The following TRMT9B variants were observed in gnomAD, a reference collection of about 807,000 sequenced individuals.
The protein encoded by TRMT9B is tRNA methyltransferase 9B (putative).
A neutral mutation model predicts 11.5 loss-of-function variants in TRMT9B; 16 were observed. That is an observed-to-expected ratio of 1.39 (90% CI 0.94 to 2.11). The LOEUF (loss-of-function observed/expected upper bound fraction) is 2.11. Among genes scored for constraint, TRMT9B ranks in the 30% most tolerant of loss-of-function variants. The pLI is 0.00. For synonymous variants in TRMT9B, 274 were observed against 192.4 expected (o/e 1.42, Z -3.51); for missense variants, 941 against 553.8 (o/e 1.70, Z -7.02).
At chr8:12,969,265 G>T (rs2128867477) in intron 1 of TRMT9B, among the ~76,000 whole-genome samples, 1 of 152,188 alleles carries the variant, frequency 6.6e-6, no homozygotes, top group South Asian at 2.1e-4. Context: ...CATTACACAG[G>T]TTTCCATCCA....
In TRMT9B at chr8:13,021,720, A is replaced by G. The variant is rs560931727; in HGVS notation, c.1041A>G (p.Gly347=). Residue 347 remains glycine, a synonymous_variant, in exon 5 of 5, where the codon GGA becomes GGG. Coordinates refer to ENST00000524591, the MANE Select transcript of TRMT9B (RefSeq NM_020844.3). ...HQGEMRRNGG[G]NFLDSTNTGV... ...GGGAAATGAGGAGAAATGGAGGGGG[A>G]AATTTTCTGGATAGCACTAATACTG... 6.2e-7 allele frequency: 1 copy of G among 1,613,942 alleles called. No individual in the cohort carries two copies. The highest frequency in any genetic ancestry group is 1.1e-5 in the South Asian group (1 of 91,056).
intron 1 of TRMT9B, among the ~76,000 whole-genome samples, chr8:12,987,386 A>C (rs1408022176): frequency 6.6e-6 from 1 of 152,190 alleles, no homozygotes; most frequent in Non-Finnish European, 1.5e-5. Flanking sequence ...AGTTGAAAAT[A>C]TTATAAGTCA....
At chr8:12,993,804 G>A (rs1807831862) in intron 2 of TRMT9B, among the ~76,000 whole-genome samples, 1 of 152,254 alleles carries the variant, frequency 6.6e-6, no homozygotes, top group Non-Finnish European at 1.5e-5. Context: ...TGATTGTGAA[G>A]AAGCATTCAA....
At chr8:13,013,778 C>A (rs2128895666) in intron 4 of TRMT9B, among the ~76,000 whole-genome samples, 1 of 152,036 alleles carries the variant, frequency 6.6e-6, no homozygotes, top group African/African-American at 2.4e-5. Context: ...TGTGAAACCC[C>A]ATCTCTACTA....
At chr8:12,951,541 C>T (rs1447888033) in intron 1 of TRMT9B, 1 of 152,204 alleles carries the variant, frequency 6.6e-6, no homozygotes, top group African/African-American at 2.4e-5. Flanking sequence ...AGCCTCACTT[C>T]CCGGGCACGT....
At chr8:13,010,502 T>A in intron 3 of TRMT9B, 3 of 984,114 alleles carry the variant, frequency 3.0e-6, no homozygotes, top group Non-Finnish European at 3.6e-6. Context: ...TTAAAAAATA[T>A]TTAAAATTCT....
chr8:13,020,484 G>T (rs1245821875), intron 4 of TRMT9B, among the ~76,000 whole-genome samples: 1 of 152,086 alleles, frequency 6.6e-6, no homozygotes, highest in East Asian at 1.9e-4. Flanking sequence ...ATTGGACTTG[G>T]GGTGAGCTGC....
Position 12,945,833 on chromosome 8 carries a change from C to T in TRMT9B, c.-333C>T, listed in dbSNP as rs1409569654. ...TTTCTTGATGCATATGTTCCTTCAA[C>T]TTATTCAGTACTTCCATGTGCAGGG... On this transcript the variant is annotated 5_prime_UTR_variant, in exon 1 of 5. Transcript: ENST00000524591. 6.6e-6 allele frequency: 1 copy of T among 151,918 alleles called. No homozygotes were observed. The allele number at this position is 151,918 out of a possible 1,614,324, so 9.4% of individuals were successfully genotyped here.
At chr8:12,985,395 A>G (rs149439469) in intron 1 of TRMT9B, among the ~76,000 whole-genome samples, 110 of 152,278 alleles carry the variant, frequency 7.2e-4, no homozygotes, top group African/African-American at 2.4e-3. Flanking sequence ...TAGAGGAGAA[A>G]ATATTTATGA....
At chr8:13,010,137 GAAA>G (rs77013467) in intron 3 of TRMT9B, 179 of 464,174 alleles carry the variant, frequency 3.9e-4, no homozygotes, top group Non-Finnish European at 4.6e-4. Flanking sequence ...GACCCTATCT[GAAA>G]AAAAAAAAAA....
At chr8:12,978,856 A>C (rs1804889905) in intron 1 of TRMT9B, among the ~76,000 whole-genome samples, 1 of 152,184 alleles carries the variant, frequency 6.6e-6, no homozygotes, top group Non-Finnish European at 1.5e-5. Flanking sequence ...CATGTTAATA[A>C]ACTCAATATA....
At position 13,022,296 on chromosome 8, in the gene TRMT9B, C is replaced by T. The variant is rs373363309; in HGVS notation, c.*252C>T. The T allele has an allele frequency of 1.3e-5, 5 of 393,730 alleles. No homozygotes were observed. Among genetic ancestry groups the T allele is most frequent in the South Asian group, 1.3e-4 (2 of 15,608 alleles). 24.4% of individuals were successfully genotyped at this position (393,730 alleles called of 1,614,324 possible). Reference sequence around the variant, plus strand: ...GATCTGAAGAAGCAACAGAAAGTACCCTTCAGTACACCTCAGACTTTTTTT... The same window carrying T: ...GATCTGAAGAAGCAACAGAAAGTACTCTTCAGTACACCTCAGACTTTTTTT... On this transcript the variant is annotated 3_prime_UTR_variant, in exon 5 of 5. Coordinates refer to ENST00000524591, the MANE Select transcript of TRMT9B (RefSeq NM_020844.3).
intron 3 of TRMT9B, chr8:13,007,527 A>G (rs906315849): frequency 2.6e-5 from 4 of 152,226 alleles, no homozygotes; most frequent in Admixed American, 2.6e-4. Context: ...AGAAACAGAC[A>G]TACCAGAACT....
chr8:13,018,516 G>A (rs531279431), intron 4 of TRMT9B, among the ~76,000 whole-genome samples: 1 of 151,946 alleles, frequency 6.6e-6, no homozygotes, highest in South Asian at 2.1e-4. Flanking sequence ...CGTTTTAAAG[G>A]TTTTTTTGTC....
At chr8:12,972,355 T>G (rs918233059) in intron 1 of TRMT9B, among the ~76,000 whole-genome samples, 11 of 151,156 alleles carry the variant, frequency 7.3e-5, no homozygotes, top group African/African-American at 2.7e-4. Flanking sequence ...CCCTGAGGAG[T>G]TGGGAGGCAG....
At chr8:12,971,857 T>C (rs1192310655) in intron 1 of TRMT9B, among the ~76,000 whole-genome samples, 1 of 152,194 alleles carries the variant, frequency 6.6e-6, no homozygotes, top group African/African-American at 2.4e-5. Flanking sequence ...ACAGATATGA[T>C]TGGGTGCCTG....
At chr8:12,984,650 A>G (rs1299928426) in intron 1 of TRMT9B, among the ~76,000 whole-genome samples, 3 of 152,096 alleles carry the variant, frequency 2.0e-5, no homozygotes, top group Non-Finnish European at 2.9e-5. Flanking sequence ...TGGGGGACCT[A>G]TTGCTTTTAT....
chr8:12,972,643 C>T (rs780874142), intron 1 of TRMT9B, among the ~76,000 whole-genome samples: 40 of 151,924 alleles, frequency 2.6e-4, no homozygotes, highest in Admixed American at 7.9e-4. Flanking sequence ...TTACAGAGTC[C>T]CGCCCTCTCC....
chr8:12,959,076 A>G (rs1801695562), intron 1 of TRMT9B, among the ~76,000 whole-genome samples: 1 of 152,168 alleles, frequency 6.6e-6, no homozygotes, highest in African/African-American at 2.4e-5. Flanking sequence ...CATGTACCCT[A>G]GAACTTAAAG....
Sources: gnomAD v4.1 joint callset for allele counts (sites outside exome capture counted in the v4.1 genomes callset) on GRCh38, gnomAD v4.1.1 for gene constraint, MANE v1.5 for transcripts, NCBI Gene and HGNC (gene_info 2026-07-23, HGNC 2026-07-21) for gene names.